Variants in XIRP2 observed in about 807,000 individuals in gnomAD.
XIRP2 encodes xin actin binding repeat containing 2.
A neutral mutation model predicts 277.0 loss-of-function variants in XIRP2; 236 were observed. The ratio of observed to expected loss-of-function variants is 0.85; its 90% CI spans 0.77 to 0.95. XIRP2 has a LOEUF of 0.95. XIRP2 is among the 40% of genes least tolerant of loss of function. XIRP2 has a pLI of 0.00. For synonymous variants in XIRP2, 1,490 were observed against 1,416.5 expected (o/e 1.05, Z -1.17); for missense variants, 4,640 against 4,157.5 (o/e 1.12, Z -3.19).
Position 167,243,937 on chromosome 2 carries a change from C to A in XIRP2, c.2545C>A (p.Pro849Thr). Residue 849 changes from proline (P) to threonine (T), a missense_variant, in exon 9 of 11, where the codon CCA (proline) becomes ACA (threonine). Pro to Thr is a conservative substitution (Grantham distance 38). Transcript: ENST00000409195. ...SRKCWMFETQ[P>T]LDILKEVPDA... Reference sequence around the variant, plus strand: ...AAAGTGTTGGATGTTTGAAACCCAGCCATTAGACATTCTAAAAGAAGTTCC... The same window carrying A: ...AAAGTGTTGGATGTTTGAAACCCAGACATTAGACATTCTAAAAGAAGTTCC... 1 of 1,613,946 alleles carries A rather than the reference C, an allele frequency of 6.2e-7. No homozygotes were observed.
rs928717240 is a variant in XIRP2 at position 166,942,108 on chromosome 2, G to A, written c.408+38218G>A. Among the ~76,000 whole-genome samples, 79 of 152,254 alleles carry A rather than the reference G, an allele frequency of 5.2e-4. 1 individual carries two copies. Among genetic ancestry groups the A allele is most frequent in the African/African-American group, 1.8e-3 (76 of 41,550 alleles). On this transcript the variant is annotated intron_variant, in intron 2 of 10. Coordinates refer to ENST00000409195, the MANE Select transcript of XIRP2 (RefSeq NM_152381.6). ...CCTTTCTGTATCTATGTCAGTACAT[G>A]AAGTGACCAATATGACCACAAAACT...
intron 7 of XIRP2, among the ~76,000 whole-genome samples, chr2:167,241,112 G>A (rs1274125615): frequency 1.3e-5 from 2 of 152,048 alleles, no homozygotes; most frequent in Non-Finnish European, 2.9e-5. Context: ...GTACTATTAA[G>A]TCTGGCTCTC....
At chr2:167,014,913 A>T (rs2105476131) in intron 2 of XIRP2, among the ~76,000 whole-genome samples, 1 of 151,934 alleles carries the variant, frequency 6.6e-6, no homozygotes, top group East Asian at 1.9e-4. Context: ...CGTGCTTTTT[A>T]ACACTACGGT....
intron 7 of XIRP2, 70 bp downstream of exon 7, chr2:167,240,806 C>A: frequency 7.3e-7 from 1 of 1,371,614 alleles, no homozygotes; most frequent in Non-Finnish European, 1.0e-6. Context: ...GAATGGATGA[C>A]TTCCAAAGCA....
intron 2 of XIRP2, among the ~76,000 whole-genome samples, chr2:166,964,370 T>A (rs1180126657): frequency 1.3e-5 from 2 of 151,888 alleles, no homozygotes; most frequent in African/African-American, 2.4e-5. Flanking sequence ...AAAATCTGTT[T>A]GTCATAAGAT....
chr2:167,224,190 T>A lies in XIRP2; in HGVS notation c.858+5890T>A, dbSNP rs141399456. Among the ~76,000 whole-genome samples, 23 of 152,230 alleles carry A rather than the reference T, an allele frequency of 1.5e-4. No individual in the cohort carries two copies. In the East Asian group the frequency reaches 4.4e-3, roughly 29 times the overall value. On this transcript the variant is annotated intron_variant, in intron 5 of 10. Transcript: ENST00000409195. ...ATGAGGTGGTGCCCTCATGACTAAC[T>A]ACCTCTTAGAGTTCTCACCTCCCAA...
intron 1 of XIRP2, among the ~76,000 whole-genome samples, chr2:166,895,671 A>T (rs1029713351): frequency 1.3e-5 from 2 of 152,076 alleles, no homozygotes; most frequent in Non-Finnish European, 2.9e-5. Flanking sequence ...TGAGTTTTGG[A>T]ATTGTATTTT....
chr2:167,116,523 GTTA>G (rs1403155501), intron 2 of XIRP2, among the ~76,000 whole-genome samples: 1 of 151,996 alleles, frequency 6.6e-6, no homozygotes, highest in Non-Finnish European at 1.5e-5. Flanking sequence ...ACCTACCTAT[GTTA>G]TTATGTTTGC....
At chr2:167,201,156 A>AAG (rs752394823) in intron 3 of XIRP2, among the ~76,000 whole-genome samples, 14 of 142,758 alleles carry the variant, frequency 9.8e-5, no homozygotes, top group Non-Finnish European at 1.8e-4. Flanking sequence ...GAGGGAGGGA[A>AAG]AGAGAGAGAG....
At chr2:166,988,066 T>C (rs1687057449) in intron 2 of XIRP2, among the ~76,000 whole-genome samples, 1 of 152,154 alleles carries the variant, frequency 6.6e-6, no homozygotes, top group South Asian at 2.1e-4. Context: ...AAATAGGACA[T>C]TTGCATAATC....
intron 2 of XIRP2, among the ~76,000 whole-genome samples, chr2:167,101,406 T>G (rs903057068): frequency 2.0e-5 from 3 of 152,170 alleles, no homozygotes; most frequent in Non-Finnish European, 4.4e-5. Context: ...TGTGAGATTT[T>G]GGTGCACCCA....
chr2:167,245,037 T>C lies in XIRP2; in HGVS notation c.3645T>C (p.Ser1215=), dbSNP rs985418775. The change falls in exon 9 of 11, where the codon AGT becomes AGC. Residue 1215 remains serine (S), a synonymous_variant. Transcript: ENST00000409195. ...AGTCCTTAGATTCTATAAGTTCTAG[T>C]TCAGAGGAAGTTTTGAAAAAGATCA... ...ENQSLDSISS[S]SEEVLKKIKT... 15 of 1,612,628 alleles carry C rather than the reference T, an allele frequency of 9.3e-6. No homozygotes were observed. In the Middle Eastern group the frequency reaches 6.6e-4, roughly 71 times the overall value.
intron 3 of XIRP2, among the ~76,000 whole-genome samples, chr2:167,168,423 TG>T (rs767514214): frequency 1.3e-5 from 2 of 152,174 alleles, no homozygotes; most frequent in African/African-American, 2.4e-5. Flanking sequence ...CCTGGTTTTT[TG>T]TTTGATTTTG....
At chr2:167,173,942 C>A (rs1453029719) in intron 3 of XIRP2, among the ~76,000 whole-genome samples, 2 of 152,144 alleles carry the variant, frequency 1.3e-5, no homozygotes, top group African/African-American at 4.8e-5. Flanking sequence ...GTTGAACTGG[C>A]CTTGCATCCC....
chr2:167,164,183 G>A (rs937479349), intron 3 of XIRP2, among the ~76,000 whole-genome samples: 1 of 152,188 alleles, frequency 6.6e-6, no homozygotes, highest in East Asian at 1.9e-4. Context: ...GCTCACGCCT[G>A]TAATCCCGGC....
intron 2 of XIRP2, among the ~76,000 whole-genome samples, chr2:167,054,622 T>G (rs1688997323): frequency 6.6e-6 from 1 of 150,912 alleles, no homozygotes; most frequent in Admixed American, 6.6e-5. Context: ...AGGCTGAGGT[T>G]GCAGTGAGCT....
intron 2 of XIRP2, among the ~76,000 whole-genome samples, chr2:167,044,809 C>T (rs1195785507): frequency 6.6e-6 from 1 of 151,888 alleles, no homozygotes; most frequent in Non-Finnish European, 1.5e-5. Flanking sequence ...TCAATATCAT[C>T]AAAATAGCCA....
chr2:167,063,203 T>G (rs1248114001), intron 2 of XIRP2, among the ~76,000 whole-genome samples: 15 of 151,978 alleles, frequency 9.9e-5, no homozygotes, highest in Admixed American at 9.8e-4. Flanking sequence ...CTTTTTCATG[T>G]GAGCATTTCC....
At chr2:167,087,515 G>T (rs1574242236) in intron 2 of XIRP2, among the ~76,000 whole-genome samples, 1 of 152,334 alleles carries the variant, frequency 6.6e-6, no homozygotes, top group East Asian at 1.9e-4. Flanking sequence ...GCAAGCCTGG[G>T]CAATGGCGGG....
Sources: allele counts gnomAD v4.1 joint callset (sites outside exome capture counted in the v4.1 genomes callset), GRCh38; gene constraint gnomAD v4.1.1; transcripts MANE v1.5; gene names NCBI Gene and HGNC (gene_info 2026-07-23, HGNC 2026-07-21).